ARHGAP21: variants seen among roughly 807,000 people sequenced by gnomAD.
ARHGAP21 encodes the protein rho GTPase-activating protein 21.
ARHGAP21 carries 38 observed loss-of-function variants against 164.6 expected under a neutral mutation model. That is an observed-to-expected ratio of 0.23 (90% CI 0.18 to 0.30). The LOEUF (loss-of-function observed/expected upper bound fraction) is 0.30, where lower values mean the gene tolerates loss of function less well. ARHGAP21 is among the 10% of genes least tolerant of loss of function. The pLI, the probability that ARHGAP21 is intolerant of heterozygous loss-of-function variation, is 1.00. For missense variants in ARHGAP21, 1,822 were observed against 2,370.7 expected (o/e 0.77, Z 4.81); for synonymous variants, 766 against 857.9 (o/e 0.89, Z 1.87).
chr10:24,642,049 A>C (rs1565080859), intron 4 of ARHGAP21, among the ~76,000 whole-genome samples: 1 of 152,040 alleles, frequency 6.6e-6, no homozygotes, highest in Non-Finnish European at 1.5e-5. Context: ...ACACAAAAGT[A>C]GAGAGGACAA....
intron 2 of ARHGAP21, among the ~76,000 whole-genome samples, chr10:24,701,961 C>CCAAGATTCCTT (rs1843708391): frequency 6.6e-6 from 1 of 152,022 alleles, no homozygotes; most frequent in African/African-American, 2.4e-5. Flanking sequence ...TTGAAGGAAA[C>CCAAGATTCCTT]CAAGAACTGG....
intron 25 of ARHGAP21, among the ~76,000 whole-genome samples, chr10:24,586,383 T>A (rs1452500355): frequency 1.2e-4 from 19 of 152,360 alleles, no homozygotes; most frequent in African/African-American, 4.6e-4. Context: ...TGCTTAGTGC[T>A]GATTCCTATC....
chr10:24,605,014 T>A (rs1403759643), intron 11 of ARHGAP21, among the ~76,000 whole-genome samples: 1 of 152,174 alleles, frequency 6.6e-6, no homozygotes, highest in Non-Finnish European at 1.5e-5. Context: ...AACTTAGAGT[T>A]TTAAGATGTT....
chr10:24,627,138 G>A (rs1197283276), intron 7 of ARHGAP21, among the ~76,000 whole-genome samples: 1 of 151,796 alleles, frequency 6.6e-6, no homozygotes, highest in African/African-American at 2.4e-5. Context: ...ATCACTTCAG[G>A]AAAAGAAAAA....
chr10:24,653,677 T>C (rs1235730347), intron 4 of ARHGAP21, among the ~76,000 whole-genome samples: 1 of 152,082 alleles, frequency 6.6e-6, no homozygotes, highest in Non-Finnish European at 1.5e-5. Flanking sequence ...GTCCTCAGCC[T>C]TCCCAGTAAC....
chr10:24,681,851 C>T (rs368461768), intron 2 of ARHGAP21, among the ~76,000 whole-genome samples: 29 of 152,164 alleles, frequency 1.9e-4, no homozygotes, highest in African/African-American at 6.0e-4. Context: ...GTATGACCGT[C>T]ACCTGGCTCG....
chr10:24,687,143 C>G (rs1593288038), intron 2 of ARHGAP21, among the ~76,000 whole-genome samples: 2 of 150,298 alleles, frequency 1.3e-5, no homozygotes, highest in South Asian at 4.2e-4. Flanking sequence ...CCCATGAGGT[C>G]TGGGTGATGG....
At chr10:24,645,905 A>G (rs1837527197) in intron 4 of ARHGAP21, among the ~76,000 whole-genome samples, 1 of 152,180 alleles carries the variant, frequency 6.6e-6, no homozygotes, top group Non-Finnish European at 1.5e-5. Context: ...AGGGAAAGGC[A>G]GGGCTGTTTT....
chr10:24,694,912 A>T (rs1452615952), intron 2 of ARHGAP21, among the ~76,000 whole-genome samples: 1 of 151,930 alleles, frequency 6.6e-6, no homozygotes, highest in East Asian at 1.9e-4. Context: ...TTAGCTGGGC[A>T]TGCTGGCACG....
intron 2 of ARHGAP21, among the ~76,000 whole-genome samples, chr10:24,699,081 G>A (rs969124651): frequency 3.3e-5 from 5 of 152,060 alleles, no homozygotes; most frequent in African/African-American, 9.7e-5. Context: ...TCCCACCTTA[G>A]CTTTCTCTTC....
chr10:24,670,597 A>C (rs1013901426), intron 2 of ARHGAP21, among the ~76,000 whole-genome samples, 200 bp from the exon 3 acceptor site: 2 of 152,070 alleles, frequency 1.3e-5, no homozygotes, highest in Non-Finnish European at 2.9e-5. Flanking sequence ...AAAACCTAGA[A>C]TTTTTTTCTA....
chr10:24,709,738 TAA>T (rs201779827), intron 2 of ARHGAP21, among the ~76,000 whole-genome samples: 61 of 130,950 alleles, frequency 4.7e-4, no homozygotes, highest in Non-Finnish European at 4.6e-4. Flanking sequence ...AACCTTCTCT[TAA>T]AAAAAAAAAA....
At chr10:24,701,492 TTC>T (rs1480628342) in intron 2 of ARHGAP21, among the ~76,000 whole-genome samples, 1 of 152,154 alleles carries the variant, frequency 6.6e-6, no homozygotes, top group East Asian at 1.9e-4. Flanking sequence ...AACAGAACAT[TTC>T]TCTGAGAAGG....
Position 24,591,147 on chromosome 10 carries a change from C to CT in ARHGAP21, c.4150+77dup. On this transcript the variant is annotated intron_variant, in intron 24 of 25. Coordinates refer to ENST00000396432, the MANE Select transcript of ARHGAP21 (RefSeq NM_020824.4). ...GAAAAAAATCATAAGTAACAATTCA[C>CT]TATGATTGATTTGCTCTTTCATATT... The CT allele has an allele frequency of 3.3e-6, 4 of 1,226,552 alleles. No individual in the cohort carries two copies. In the South Asian group the frequency reaches 4.2e-5, roughly 13 times the overall value. 76.0% of individuals were successfully genotyped at this position (1,226,552 alleles called of 1,614,324 possible). A position where few individuals can be genotyped will look rare whatever the true frequency, so the allele number is the denominator to read the frequency against.
At chr10:24,671,283 ATTTCACT>A (rs1840682402) in intron 2 of ARHGAP21, among the ~76,000 whole-genome samples, 1 of 152,072 alleles carries the variant, frequency 6.6e-6, no homozygotes, top group African/African-American at 2.4e-5. Context: ...AAACTAAGCT[ATTTCACT>A]CTAAGTTCAT....
intron 14 of ARHGAP21, among the ~76,000 whole-genome samples, chr10:24,598,471 G>C (rs1473117744): frequency 6.6e-6 from 1 of 152,110 alleles, no homozygotes; most frequent in African/African-American, 2.4e-5. Flanking sequence ...TAATTTTTAA[G>C]GATAGTGAAA....
intron 17 of ARHGAP21, chr10:24,596,324 G>A (rs540931271): frequency 1.2e-4 from 50 of 426,390 alleles, no homozygotes; most frequent in African/African-American, 8.0e-4. Flanking sequence ...AAACCGTTCC[G>A]CTGAATAAAG....
chr10:24,676,070 C>G (rs900782099), intron 2 of ARHGAP21, among the ~76,000 whole-genome samples: 3 of 152,172 alleles, frequency 2.0e-5, no homozygotes, highest in Non-Finnish European at 4.4e-5. Context: ...AGCACTAGAA[C>G]CTGGCAGGCG....
At chr10:24,607,333 TTTTTAAAATTCA>T in intron 11 of ARHGAP21, 154 bp downstream of exon 11, 1 of 640,762 alleles carries the variant, frequency 1.6e-6, no homozygotes, top group Non-Finnish European at 2.6e-6. Context: ...GTGTTACTGA[TTTTTAAAATTCA>T]ATTTAATGTT....
Sources: gnomAD v4.1 joint callset for allele counts (sites outside exome capture counted in the v4.1 genomes callset) on GRCh38, gnomAD v4.1.1 for gene constraint, MANE v1.5 for transcripts, NCBI Gene and HGNC (gene_info 2026-07-23, HGNC 2026-07-21) for gene names.